Variants in POU6F2 observed in about 807,000 individuals in gnomAD.
POU6F2 encodes the protein POU class 6 homeobox 2.
POU6F2 carries 31 observed loss-of-function variants against 71.3 expected under a neutral mutation model. That is an observed-to-expected ratio of 0.43 (90% CI 0.33 to 0.59). The LOEUF (loss-of-function observed/expected upper bound fraction) is 0.59, where lower values mean the gene tolerates loss of function less well. Ranked by LOEUF, POU6F2 falls within the 20% of genes least tolerant of loss-of-function variation. POU6F2 has a pLI of 0.04. For synonymous variants in POU6F2, 347 were observed against 355.7 expected (o/e 0.98, Z 0.27); for missense variants, 783 against 856.8 (o/e 0.91, Z 1.07).
chr7:39,138,043 C>G (rs1792420899), intron 2 of POU6F2, among the ~76,000 whole-genome samples: 1 of 152,104 alleles, frequency 6.6e-6, no homozygotes, highest in African/African-American at 2.4e-5. Flanking sequence ...TTAAATTAGG[C>G]AACAGTACTT....
chr7:39,249,031 C>G (rs1472197067), intron 4 of POU6F2, among the ~76,000 whole-genome samples: 4 of 152,172 alleles, frequency 2.6e-5, no homozygotes, highest in Non-Finnish European at 5.9e-5. Context: ...TGAATTTTTT[C>G]TTTCTACCTG....
rs1483388651 is a variant in POU6F2, at chr7:39,186,161, T to C, written c.278-18074T>C. ...ATAAATATCATGTTGAATGAACAAA[T>C]GAACAAATTTCAGATGATGACTATG... On this transcript the variant is annotated intron_variant, in intron 2 of 9. Transcript: ENST00000518318. Among the ~76,000 whole-genome samples the C allele has an allele frequency of 3.3e-5, 5 of 152,116 alleles. No individual in the cohort carries two copies. In the East Asian group the frequency reaches 7.7e-4, roughly 24 times the overall value.
At chr7:39,209,880 G>A (rs1355320343) in intron 4 of POU6F2, among the ~76,000 whole-genome samples, 2 of 152,122 alleles carry the variant, frequency 1.3e-5, no homozygotes, top group Admixed American at 1.3e-4. Flanking sequence ...CATCTGCAGG[G>A]GTTCTGAGAC....
intron 1 of POU6F2, among the ~76,000 whole-genome samples, chr7:39,049,973 A>G (rs550785761): frequency 6.6e-6 from 1 of 151,932 alleles, no homozygotes; most frequent in Admixed American, 6.6e-5. Context: ...GTTTCTTTGC[A>G]TGTCTCATAA....
intron 2 of POU6F2, among the ~76,000 whole-genome samples, chr7:39,179,535 A>G (rs866935880): frequency 4.4e-4 from 65 of 146,408 alleles, no homozygotes; most frequent in African/African-American, 8.7e-4. Context: ...ACATGCGCGC[A>G]CACACACACA....
At chr7:39,082,482 G>GCAGAGATC (rs1438472623) in intron 1 of POU6F2, among the ~76,000 whole-genome samples, 1 of 152,146 alleles carries the variant, frequency 6.6e-6, no homozygotes, top group African/African-American at 2.4e-5. Flanking sequence ...GTTTACCGCT[G>GCAGAGATC]CAGAGATCCT....
intron 6 of POU6F2, among the ~76,000 whole-genome samples, chr7:39,428,453 G>C (rs1215731728): frequency 6.6e-6 from 1 of 152,158 alleles, no homozygotes. Flanking sequence ...TGGAGAATCG[G>C]GGCAAAGACA....
intron 2 of POU6F2, among the ~76,000 whole-genome samples, chr7:39,195,652 C>T (rs375030040): frequency 6.6e-6 from 1 of 151,902 alleles, no homozygotes; most frequent in African/African-American, 2.4e-5. Flanking sequence ...TTAACAGTCT[C>T]GGTGAGTAAA....
intron 4 of POU6F2, among the ~76,000 whole-genome samples, chr7:39,214,235 C>G (rs1794196873): frequency 6.6e-6 from 1 of 152,142 alleles, no homozygotes; most frequent in South Asian, 2.1e-4. Context: ...CCTTGGTGTT[C>G]TTTGCACGTA....
At chr7:39,158,657 C>A (rs1218593734) in intron 2 of POU6F2, among the ~76,000 whole-genome samples, 1 of 152,160 alleles carries the variant, frequency 6.6e-6, no homozygotes, top group Non-Finnish European at 1.5e-5. Flanking sequence ...GGTGTTCCAA[C>A]TCCAGGAGAG....
At chr7:39,048,736 G>C (rs550892944) in intron 1 of POU6F2, among the ~76,000 whole-genome samples, 6 of 151,996 alleles carry the variant, frequency 3.9e-5, no homozygotes, top group South Asian at 2.1e-4. Context: ...GTAGTTCTAA[G>C]TTCTTTGGGA....
At chr7:39,042,736 G>T (rs1790215158) in intron 1 of POU6F2, among the ~76,000 whole-genome samples, 1 of 151,952 alleles carries the variant, frequency 6.6e-6, no homozygotes, top group Admixed American at 6.6e-5. Context: ...ATCTCCAAGT[G>T]GTAAATGGAT....
rs1470306923 is a variant in POU6F2 at position 39,274,298 on chromosome 7, A to G, written c.599-65344A>G. Among the ~76,000 whole-genome samples the G allele has an allele frequency of 6.6e-5, 10 of 152,342 alleles. No homozygotes were observed. The East Asian group carries it at 1.9e-3, about 29-fold the overall frequency. On this transcript the variant is annotated intron_variant, in intron 4 of 9. Coordinates refer to ENST00000518318, the MANE Select transcript of POU6F2 (RefSeq NM_001370959.1). ...TCTATGCAAATAAATTAGAAAATCT[A>G]GAAGAAATGGATAAATTCCTCAACA...
intron 1 of POU6F2, among the ~76,000 whole-genome samples, chr7:38,997,784 G>C (rs1027714218): frequency 1.3e-5 from 2 of 152,186 alleles, no homozygotes; most frequent in African/African-American, 4.8e-5. Flanking sequence ...GCACGTATGG[G>C]TATATGTAAA....
chr7:39,460,148 C>T lies in POU6F2; in HGVS notation c.1490-399C>T, dbSNP rs1489934442. ...TTAGCACTAAATATGCTAATTAAAA[C>T]ATTTCAAATGGAAACCTTTCCCTTT... On this transcript the variant is annotated intron_variant, in intron 8 of 9. Coordinates refer to ENST00000518318, the MANE Select transcript of POU6F2 (RefSeq NM_001370959.1). This position sits in a 1 kb window ranked among gnomAD's most constrained non-coding sequence, Gnocchi z 4.4. Among the ~76,000 whole-genome samples, 1 of 152,204 alleles carries T rather than the reference C, an allele frequency of 6.6e-6. No individual in the cohort carries two copies. The highest frequency in any genetic ancestry group is 1.5e-5 in the Non-Finnish European group (1 of 68,024).
At chr7:39,280,416 T>C (rs1784541280) in intron 4 of POU6F2, among the ~76,000 whole-genome samples, 1 of 152,152 alleles carries the variant, frequency 6.6e-6, no homozygotes, top group African/African-American at 2.4e-5. Context: ...TCTGACCTTA[T>C]AGGAATGCTA....
intron 2 of POU6F2, among the ~76,000 whole-genome samples, chr7:39,116,259 C>T (rs1584550565): frequency 6.6e-6 from 1 of 152,086 alleles, no homozygotes; most frequent in African/African-American, 2.4e-5. Flanking sequence ...GTGGCATGCA[C>T]CTGTAGTCCC....
intron 2 of POU6F2, among the ~76,000 whole-genome samples, chr7:39,098,465 GA>G (rs1171375627): frequency 3.4e-5 from 5 of 148,348 alleles, no homozygotes; most frequent in African/African-American, 7.6e-5. Flanking sequence ...ATTTGCAAGA[GA>G]GGGGGGGTCT....
In POU6F2 at chr7:39,207,604, A is replaced by G; in HGVS notation, c.582A>G (p.Pro194=). Reference sequence around the variant, plus strand: ...CAGCCGGAGGCATTATGACTCTGCCACTGCAAAATCTACAAGGTAATCCAT... The same window carrying G: ...CAGCCGGAGGCATTATGACTCTGCCGCTGCAAAATCTACAAGGTAATCCAT... ...AAAAGGIMTL[P]LQNLQATSSL... is the part of the protein sequence containing the mutation. Residue 194 remains proline (P), a synonymous_variant, in exon 4 of 10, where the codon CCA becomes CCG. Transcript: ENST00000518318. 1 of 1,613,856 alleles carries G rather than the reference A, an allele frequency of 6.2e-7. No individual in the cohort carries two copies. Among genetic ancestry groups the G allele is most frequent in the Non-Finnish European group, 8.5e-7 (1 of 1,179,790 alleles).
Sources: allele counts gnomAD v4.1 joint callset (sites outside exome capture counted in the v4.1 genomes callset), GRCh38; gene constraint gnomAD v4.1.1; non-coding constraint Gnocchi (gnomAD v3.1); transcripts MANE v1.5; gene names NCBI Gene and HGNC (gene_info 2026-07-23, HGNC 2026-07-21).